FOXJ2: variants seen among roughly 807,000 people sequenced by gnomAD.
The protein encoded by FOXJ2 is forkhead box J2.
FOXJ2 carries 18 observed loss-of-function variants against 68.4 expected under a neutral mutation model. The ratio of observed to expected loss-of-function variants is 0.26; its 90% CI spans 0.18 to 0.39. The LOEUF is 0.39. Ranked by LOEUF, FOXJ2 falls within the 10% of genes least tolerant of loss-of-function variation. The probability of loss-of-function intolerance (pLI) is 1.00; values close to 1 mark genes in which losing one functional copy is unlikely to be tolerated. For missense variants in FOXJ2, 670 were observed against 726.5 expected, an observed-to-expected ratio of 0.92 and a Z score of 0.89; for synonymous variants, 274 against 263.2, an observed-to-expected ratio of 1.04 and a Z score of -0.40.
At position 8,040,228 on chromosome 12, in the gene FOXJ2, G is replaced by T; in HGVS notation, c.333+63G>T. On this transcript the variant is annotated intron_variant, in intron 2 of 10. Transcript: ENST00000162391. This position sits in a 1 kb window ranked among gnomAD's most constrained non-coding sequence, Gnocchi z 4.0. ...TTCAACAGCCTTTTTAGAGAAAAAG[G>T]TTTTGTTTCTTCTTGTAACCTGTTC... is the stretch of plus-strand genomic sequence containing the variant. 1 of 1,521,084 alleles carries T rather than the reference G, an allele frequency of 6.6e-7. No homozygotes were observed. The highest frequency in any genetic ancestry group is 9.0e-7 in the Non-Finnish European group (1 of 1,116,108). The allele number at this position is 1,521,084 out of a possible 1,614,324, so 94.2% of individuals were successfully genotyped here.
In FOXJ2 at chr12:8,032,843, A is replaced by C; in HGVS notation, c.-1005A>C. 2.5e-6 allele frequency: 1 copy of C among 398,156 alleles called. No homozygotes were observed. Among genetic ancestry groups the C allele is most frequent in the Non-Finnish European group, 4.4e-6 (1 of 225,790 alleles). The allele number at this position is 398,156 out of a possible 1,614,324, so 24.7% of individuals were successfully genotyped here. Reference sequence around the variant, plus strand: ...CAGCGCGGGGAGCCCCACGCGCCGAAGGGAGCGGACCCGACAGGACGGCCC... The same window carrying C: ...CAGCGCGGGGAGCCCCACGCGCCGACGGGAGCGGACCCGACAGGACGGCCC... On this transcript the variant is annotated 5_prime_UTR_variant, in exon 1 of 11. Coordinates refer to ENST00000162391, the MANE Select transcript of FOXJ2 (RefSeq NM_018416.3). This position sits in a 1 kb window ranked among gnomAD's most constrained non-coding sequence, Gnocchi z 4.8.
intron 2 of FOXJ2, 47 bp from the exon 3 acceptor site, chr12:8,042,611 C>T: frequency 6.6e-7 from 1 of 1,508,090 alleles, no homozygotes; most frequent in East Asian, 2.3e-5. Context: ...GGAAAATGTT[C>T]TGCTCTGCAT....
intron 4 of FOXJ2, 73 bp downstream of exon 4, chr12:8,043,842 A>G: frequency 6.2e-7 from 1 of 1,608,482 alleles, no homozygotes; most frequent in Non-Finnish European, 8.5e-7. Context: ...ATGGACGTTC[A>G]GTCCTTTCAG....
intron 1 of FOXJ2, among the ~76,000 whole-genome samples, chr12:8,039,215 A>G (rs1946934396): frequency 6.7e-6 from 1 of 150,210 alleles, no homozygotes; most frequent in Non-Finnish European, 1.5e-5. Context: ...TGTCATGTAT[A>G]CTTTATGCCT....
rs1259886961 is a variant in FOXJ2, at chr12:8,039,965, G to C, written c.133G>C (p.Gly45Arg). Residue 45 changes from glycine to arginine, a missense_variant, in exon 2 of 11, where the codon GGG (glycine) becomes CGG (arginine). Around this residue, in one of 2 missense-constraint regions of FOXJ2, gnomAD observed 115 missense variants for 164.3 expected, o/e 0.70. Coordinates refer to ENST00000162391, the MANE Select transcript of FOXJ2 (RefSeq NM_018416.3). ...CGGGAGCAGCCGCAAGTGTTCACCA[G>C]GGTCACCCACAGATCCTAATGCCAC... ...PPGSSRKCSP[G>R]SPTDPNATLS... 6.2e-6 allele frequency: 10 copies of C among 1,613,984 alleles called. No homozygotes were observed. Among genetic ancestry groups the C allele is most frequent in the South Asian group, 1.1e-5 (1 of 91,086 alleles).
At chr12:8,050,251 C>G in intron 9 of FOXJ2, 1 of 1,058,434 alleles carries the variant, frequency 9.4e-7, no homozygotes, top group Non-Finnish European at 1.2e-6. Flanking sequence ...GTTGGGATTA[C>G]AGGCATGAGC....
chr12:8,049,467 G>T lies in FOXJ2; in HGVS notation c.1433G>T (p.Gly478Val). 1 of 1,614,142 alleles carries T rather than the reference G, an allele frequency of 6.2e-7. No individual in the cohort carries two copies. Among genetic ancestry groups the T allele is most frequent in the Non-Finnish European group, 8.5e-7 (1 of 1,180,026 alleles). ...CTCAACCACTTCCTTACTCAGACTG[G>T]TCACGTGCCCCCTCAAGGGGGTACC... ...DSLNHFLTQT[G>V]HVPPQGGTHR... is the part of the protein sequence containing the mutation. Residue 478 changes from glycine (G) to valine (V), a missense_variant, in exon 9 of 11, where the codon GGT becomes GTT. Coordinates refer to ENST00000162391, the MANE Select transcript of FOXJ2 (RefSeq NM_018416.3).
intron 6 of FOXJ2, among the ~76,000 whole-genome samples, chr12:8,045,823 A>C (rs1591579134): frequency 1.4e-5 from 2 of 145,464 alleles, no homozygotes; most frequent in East Asian, 2.1e-4. Flanking sequence ...ACGCCTGGCT[A>C]ATTTTTATAT....
chr12:8,046,784 A>G (rs1947042259), intron 6 of FOXJ2, among the ~76,000 whole-genome samples: 1 of 152,182 alleles, frequency 6.6e-6, no homozygotes, highest in Non-Finnish European at 1.5e-5. Flanking sequence ...ATGGAATGAT[A>G]AAAACTGGTT....
intron 9 of FOXJ2, chr12:8,050,232 G>A: frequency 1.2e-6 from 1 of 832,742 alleles, no homozygotes; most frequent in Non-Finnish European, 1.5e-6. Flanking sequence ...CACCTCGGCT[G>A]CCCAAAGTGT....
chr12:8,049,069 C>T (rs143530769), intron 8 of FOXJ2, among the ~76,000 whole-genome samples: 16 of 152,278 alleles, frequency 1.1e-4, no homozygotes, highest in African/African-American at 3.4e-4. Flanking sequence ...CCGTGGACCA[C>T]GATTTTGTAG....
At position 8,047,960 on chromosome 12, in the gene FOXJ2, A is replaced by G. The variant is rs1007475190; in HGVS notation, c.896A>G (p.Gln299Arg). ...MYQQQQPPPP[Q>R]QQQQQQQPPQ... is the part of the protein sequence containing the mutation. ...CAGCAGCAGCAGCCACCGCCACCTC[A>G]ACAGCAGCAGCAGCAGCAGCAGCCG... Residue 299 changes from glutamine to arginine, a missense_variant, in exon 7 of 11, where the codon CAA (glutamine) becomes CGA (arginine). By Grantham distance (43) the Gln-to-Arg change is conservative. This residue lies in a region of FOXJ2 where 555 missense variants were observed against 562.2 expected (regional missense o/e 0.99). Transcript: ENST00000162391. 2.5e-6 allele frequency: 4 copies of G among 1,613,462 alleles called. No individual in the cohort carries two copies. In the African/African-American group the frequency reaches 5.3e-5, roughly 22 times the overall value.
At position 8,040,224 on chromosome 12, in the gene FOXJ2, A is replaced by G. The variant is rs1404787615; in HGVS notation, c.333+59A>G. On this transcript the variant is annotated intron_variant, in intron 2 of 10. Coordinates refer to ENST00000162391, the MANE Select transcript of FOXJ2 (RefSeq NM_018416.3). This position sits in a 1 kb window ranked among gnomAD's most constrained non-coding sequence, Gnocchi z 4.0. ...AGGCTTCAACAGCCTTTTTAGAGAA[A>G]AAGGTTTTGTTTCTTCTTGTAACCT... 4 of 1,540,376 alleles carry G rather than the reference A, an allele frequency of 2.6e-6. No individual in the cohort carries two copies. Among genetic ancestry groups the G allele is most frequent in the Non-Finnish European group, 3.5e-6 (4 of 1,130,842 alleles).
rs1305916991 is a variant in FOXJ2 at position 8,035,142 on chromosome 12, G to A, written c.-15+1309G>A. Among the ~76,000 whole-genome samples, 1 of 152,196 alleles carries A rather than the reference G, an allele frequency of 6.6e-6. No homozygotes were observed. The highest frequency in any genetic ancestry group is 1.5e-5 in the Non-Finnish European group (1 of 68,048). ...ACAGGTTTGTGTGGCTGTGCTATAGGACAACATGCATATACTTCTTAATTC... is the reference window on the plus strand; with the variant it reads ...ACAGGTTTGTGTGGCTGTGCTATAGAACAACATGCATATACTTCTTAATTC... On this transcript the variant is annotated intron_variant, in intron 1 of 10. Coordinates refer to ENST00000162391, the MANE Select transcript of FOXJ2 (RefSeq NM_018416.3). This position sits in a 1 kb window ranked among gnomAD's most constrained non-coding sequence, Gnocchi z 4.0.
At chr12:8,051,530 T>A (rs778926298) in intron 10 of FOXJ2, among the ~76,000 whole-genome samples, 3 of 152,150 alleles carry the variant, frequency 2.0e-5, no homozygotes, top group Non-Finnish European at 4.4e-5. Flanking sequence ...GGCTTTGGAA[T>A]CTAGATGGAA....
rs932438485 is a variant in FOXJ2 at position 8,053,139 on chromosome 12, C to T, written c.*289C>T. 15 of 155,378 alleles carry T rather than the reference C, an allele frequency of 9.7e-5. No individual in the cohort carries two copies. The highest frequency in any genetic ancestry group is 6.5e-5 in the Admixed American group (1 of 15,392). 9.6% of individuals were successfully genotyped at this position (155,378 alleles called of 1,614,324 possible). On this transcript the variant is annotated 3_prime_UTR_variant, in exon 11 of 11. Transcript: ENST00000162391. This position sits in a 1 kb window ranked among gnomAD's most constrained non-coding sequence, Gnocchi z 4.1. ...TGTCCATAGTCTCCTGTCCCTACAT[C>T]ATGGATCATGTCCACCTTTTGCTAA...
intron 2 of FOXJ2, among the ~76,000 whole-genome samples, chr12:8,041,060 T>C (rs931832049): frequency 2.5e-4 from 38 of 152,362 alleles, no homozygotes; most frequent in African/African-American, 8.9e-4. Context: ...CTCAATTTTT[T>C]GGAGCAGTAG....
rs1255573979 is a variant in FOXJ2, at chr12:8,033,211, GCCCCCGCC to G, written c.-634_-627del. The G allele has an allele frequency of 4.3e-6, 1 of 233,846 alleles. No individual in the cohort carries two copies. Among genetic ancestry groups the G allele is most frequent in the African/African-American group, 2.3e-5 (1 of 44,358 alleles). 14.5% of individuals were successfully genotyped at this position (233,846 alleles called of 1,614,324 possible). On this transcript the variant is annotated 5_prime_UTR_variant, in exon 1 of 11. Transcript: ENST00000162391. ...AAGCAGAGTGAGACCACCCTAGCGC[GCCCCCGCC>G]CCTCCAAACACACACTCTCAACAGT... is the stretch of plus-strand genomic sequence containing the variant.
rs543781279 is a variant in FOXJ2, at chr12:8,047,380, C to T, written c.818-502C>T. The stretch of plus-strand genomic sequence containing the variant: ...AGGAGAATTGCTTGAACCTGGGAGG[C>T]GGAGGTTGCGGTGAGCCGAGATCGC... On this transcript the variant is annotated intron_variant, in intron 6 of 10. Coordinates refer to ENST00000162391, the MANE Select transcript of FOXJ2 (RefSeq NM_018416.3). 2.0e-3 allele frequency among the ~76,000 whole-genome samples: 303 copies of T among 152,020 alleles called. 1 individual carries two copies. The highest frequency in any genetic ancestry group is 2.7e-3 in the Non-Finnish European group (186 of 67,990).
Sources: gnomAD v4.1 joint callset for allele counts (sites outside exome capture counted in the v4.1 genomes callset) on GRCh38, gnomAD v4.1.1 for gene constraint, gnomAD v4.1.1 regional missense constraint, Gnocchi (gnomAD v3.1) non-coding constraint, MANE v1.5 for transcripts, NCBI Gene and HGNC (gene_info 2026-07-23, HGNC 2026-07-21) for gene names.